The following UBXN11 variants were observed in gnomAD, a reference collection of about 807,000 sequenced individuals.
The protein encoded by UBXN11 is UBX domain-containing protein 11.
Under a neutral mutation model 62.8 loss-of-function variants are expected in UBXN11, and 47 were observed. That is an observed-to-expected ratio of 0.75 (90% CI 0.59 to 0.95). The LOEUF (loss-of-function observed/expected upper bound fraction) is 0.95, where lower values mean the gene tolerates loss of function less well. Ranked by LOEUF, UBXN11 falls within the 40% of genes least tolerant of loss-of-function variation. The pLI is 0.00. For synonymous variants in UBXN11, 294 were observed against 267.0 expected (o/e 1.10, Z -0.99); for missense variants, 638 against 661.7 (o/e 0.96, Z 0.39).
chr1:26,295,161 G>A (rs531741711), intron 7 of UBXN11, among the ~76,000 whole-genome samples: 4 of 151,312 alleles, frequency 2.6e-5, no homozygotes, highest in Non-Finnish European at 4.4e-5. Context: ...AACCTCCCCC[G>A]TGCCAGGTTT....
chr1:26,290,076 C>G (rs2073223690), intron 8 of UBXN11, among the ~76,000 whole-genome samples: 1 of 152,242 alleles, frequency 6.6e-6, no homozygotes, highest in South Asian at 2.1e-4. Flanking sequence ...TGGCCCCTGC[C>G]ATTGAGCTAC....
chr1:26,310,509 G>A (rs1186004923), upstream of UBXN11, among the ~76,000 whole-genome samples: 1 of 149,146 alleles, frequency 6.7e-6, no homozygotes, highest in Non-Finnish European at 1.5e-5. Flanking sequence ...CTGCACTCCA[G>A]CCTGGGCAAC....
At chr1:26,290,231 A>G (rs1412505733) in intron 8 of UBXN11, among the ~76,000 whole-genome samples, 1 of 152,230 alleles carries the variant, frequency 6.6e-6, no homozygotes, top group Non-Finnish European at 1.5e-5. Flanking sequence ...GACATGCATG[A>G]CAACAGCTAG....
chr1:26,289,990 C>T (rs994210140), intron 8 of UBXN11, among the ~76,000 whole-genome samples: 2 of 152,238 alleles, frequency 1.3e-5, no homozygotes, highest in South Asian at 2.1e-4. Context: ...GTCTGGTCCC[C>T]GCCAGAACAC....
chr1:26,285,579 C>T, intron 9 of UBXN11, 38 bp from the exon 10 acceptor site: 10 of 1,519,684 alleles, frequency 6.6e-6, no homozygotes, highest in Non-Finnish European at 8.9e-6. Flanking sequence ...GTGGCCTGGG[C>T]CTTGGGCCCA....
chr1:26,286,962 G>C (rs1231780916), intron 8 of UBXN11, among the ~76,000 whole-genome samples: 4 of 152,204 alleles, frequency 2.6e-5, no homozygotes. Context: ...GCATCCCAAA[G>C]TGCTGGGATT....
chr1:26,313,441 A>G (rs2073762715), intron 1 of UBXN11, among the ~76,000 whole-genome samples: 1 of 151,996 alleles, frequency 6.6e-6, no homozygotes. Flanking sequence ...TTCTTCTCAC[A>G]TTACCCCCTT....
chr1:26,290,068 G>GCCCCTGCCATT (rs1553163521), intron 8 of UBXN11, among the ~76,000 whole-genome samples: 1 of 152,156 alleles, frequency 6.6e-6, no homozygotes, highest in Non-Finnish European at 1.5e-5. Flanking sequence ...GCTCTCTCTG[G>GCCCCTGCCATT]CCCCTGCCAT....
chr1:26,286,111 C>T, intron 8 of UBXN11, 74 bp from the exon 9 acceptor site: 2 of 1,386,962 alleles, frequency 1.4e-6, no homozygotes, highest in South Asian at 1.4e-5. Flanking sequence ...CTCTGTGGCT[C>T]CCTCCCAAGC....
At chr1:26,317,224 T>A (rs936339743) in intron 1 of UBXN11, among the ~76,000 whole-genome samples, 5 of 144,470 alleles carry the variant, frequency 3.5e-5, no homozygotes, top group Non-Finnish European at 7.6e-5. Flanking sequence ...AAACTCTGTT[T>A]AAAAAAAAAA....
chr1:26,292,710 C>T (rs994776819), intron 8 of UBXN11, among the ~76,000 whole-genome samples: 6 of 151,558 alleles, frequency 4.0e-5, no homozygotes, highest in Admixed American at 1.3e-4. Flanking sequence ...AAAAATCAGC[C>T]GGGCATGGTG....
chr1:26,306,833 G>GGGGGGGGGGGT, upstream of UBXN11: 3 of 32,068 alleles, frequency 9.4e-5, no homozygotes, highest in Non-Finnish European at 2.5e-4. Flanking sequence ...GCGGGGTGGG[G>GGGGGGGGGGGT]GGGGGGGGTG....
At chr1:26,311,677 G>A (rs1030918533) in intron 1 of UBXN11, among the ~76,000 whole-genome samples, 4 of 152,030 alleles carry the variant, frequency 2.6e-5, no homozygotes, top group Admixed American at 2.0e-4. Flanking sequence ...TCCTGACCTC[G>A]TGATCCGCCC....
Position 26,284,226 on chromosome 1 carries a change from C to T in UBXN11, c.993G>A (p.Glu331=). 1 of 1,612,854 alleles carries T rather than the reference C, an allele frequency of 6.2e-7. No homozygotes were observed. Among genetic ancestry groups the T allele is most frequent in the Non-Finnish European group, 8.5e-7 (1 of 1,179,348 alleles). Residue 331 remains glutamate (E), a synonymous_variant, in exon 12 of 15, where the codon GAG becomes GAA. Transcript: ENST00000374222. ...ACTTGGGGAGCCTGTTCAGAAATTT[C>T]TCAGCAGTCATCCTGGAGCCTACAG... ...EEHPGSRMTA[E]KFLNRLPKFV...
At chr1:26,302,362 T>TAAAAAA (rs56003085) in intron 2 of UBXN11, among the ~76,000 whole-genome samples, 51 of 69,558 alleles carry the variant, frequency 7.3e-4, no homozygotes, top group Non-Finnish European at 8.0e-4. Flanking sequence ...ACTTGGTCTT[T>TAAAAAA]AAAAAAAAAA....
chr1:26,291,244 C>A lies in UBXN11; in HGVS notation c.559+2961G>T, dbSNP rs370255146. The stretch of plus-strand genomic sequence containing the variant: ...CGGGGGCCAGGCTGTGAGCCTGAGG[C>A]CCCTGGGCGGAGCAGGGTGGCACCT... On this transcript the variant is annotated intron_variant, in intron 8 of 14. Coordinates refer to ENST00000374222, the MANE Select transcript of UBXN11 (RefSeq NM_001389556.1). Among the ~76,000 whole-genome samples, 22 of 152,292 alleles carry A rather than the reference C, an allele frequency of 1.4e-4. 1 individual carries two copies. Among genetic ancestry groups the A allele is most frequent in the African/African-American group, 5.3e-4 (22 of 41,574 alleles).
At chr1:26,290,482 C>T (rs1308933285) in intron 8 of UBXN11, among the ~76,000 whole-genome samples, 1 of 152,146 alleles carries the variant, frequency 6.6e-6, no homozygotes, top group African/African-American at 2.4e-5. Context: ...TGGATTTGCC[C>T]TGAGCTTCAG....
At chr1:26,315,231 A>C (rs1156547835) in intron 1 of UBXN11, among the ~76,000 whole-genome samples, 1 of 152,222 alleles carries the variant, frequency 6.6e-6, no homozygotes, top group Non-Finnish European at 1.5e-5. Context: ...TTTACAAATA[A>C]GAGTCTGGCA....
At chr1:26,317,275 A>T (rs1176531379) in intron 1 of UBXN11, among the ~76,000 whole-genome samples, 1 of 152,118 alleles carries the variant, frequency 6.6e-6, no homozygotes, top group African/African-American at 2.4e-5. Context: ...ACTAGGTTTT[A>T]ACAAACTTCA....
Sources: gnomAD v4.1 joint callset for allele counts (sites outside exome capture counted in the v4.1 genomes callset) on GRCh38, gnomAD v4.1.1 for gene constraint, MANE v1.5 for transcripts, NCBI Gene and HGNC (gene_info 2026-07-23, HGNC 2026-07-21) for gene names.